The following ANKRD13D variants were observed in gnomAD, a reference collection of about 807,000 sequenced individuals.
ANKRD13D encodes ankyrin repeat domain 13D, also known as ankyrin repeat domain-containing protein 13D.
Under a neutral mutation model 68.8 loss-of-function variants are expected in ANKRD13D, and 24 were observed. That is an observed-to-expected ratio of 0.35 (90% CI 0.25 to 0.49). The LOEUF is 0.49. Ranked by LOEUF, ANKRD13D falls within the 20% of genes least tolerant of loss-of-function variation. The pLI is 0.99. For synonymous variants in ANKRD13D, 331 were observed against 336.1 expected (o/e 0.98, Z 0.16); for missense variants, 735 against 832.1 (o/e 0.88, Z 1.44).
chr11:67,299,071 A>G lies in ANKRD13D; in HGVS notation c.745A>G (p.Ile249Val). 3.4e-6 allele frequency: 5 copies of G among 1,491,770 alleles called. No individual in the cohort carries two copies. The highest frequency in any genetic ancestry group is 1.1e-5 in the South Asian group (1 of 89,626). The allele number at this position is 1,491,770 out of a possible 1,614,324, so 92.4% of individuals were successfully genotyped here. The change falls in exon 7 of 15, where the codon ATC (isoleucine) becomes GTC (valine). Residue 249 changes from isoleucine (I) to valine (V), a missense_variant. Coordinates refer to ENST00000511455, the MANE Select transcript of ANKRD13D (RefSeq NM_207354.3). This position sits in a 1 kb window ranked among gnomAD's most constrained non-coding sequence, Gnocchi z 6.2. ...GGTCTGTTTCAGGAACAAATGTGGT[A>G]TCTGGGGCTGGCGGTCTGAGAAGAT... ...NVAFERNKCG[I>V]WGWRSEKMET...
chr11:67,301,655 G>C lies in ANKRD13D; in HGVS notation c.1512+4G>C. 1.2e-6 allele frequency: 2 copies of C among 1,611,784 alleles called. No individual in the cohort carries two copies. On this transcript the variant is annotated splice_donor_region_variant and intron_variant, in intron 13 of 14. Transcript: ENST00000511455. This position sits in a 1 kb window ranked among gnomAD's most constrained non-coding sequence, Gnocchi z 4.5. ...AGCGGGCACTGAGGCGGAGCAGGTG[G>C]GACTTGCCCAGGGGGTGGGCTCTGG...
chr11:67,291,999 G>T lies in ANKRD13D; in HGVS notation c.550G>T (p.Ala184Ser), dbSNP rs757711478. 1.9e-6 allele frequency: 3 copies of T among 1,582,214 alleles called. No individual in the cohort carries two copies. In the East Asian group the frequency reaches 6.8e-5, roughly 36 times the overall value. The change falls in exon 6 of 15, where the codon GCC becomes TCC. Residue 184 changes from alanine (A) to serine (S), a missense_variant. By Grantham distance (99) the Ala-to-Ser change is moderately conservative. Transcript: ENST00000511455. ...SFIFKGQEAGALVMEVDHDRQ... is the reference protein window; with the variant it reads ...SFIFKGQEAGSLVMEVDHDRQ... ...CCCCTACCGGCCGGCAGAGGCAGGA[G>T]CCCTGGTGATGGAAGTGGACCATGA...
chr11:67,291,540 G>T lies in ANKRD13D; in HGVS notation c.397+19G>T. 1 of 1,613,878 alleles carries T rather than the reference G, an allele frequency of 6.2e-7. No homozygotes were observed. The highest frequency in any genetic ancestry group is 2.2e-5 in the East Asian group (1 of 44,866). On this transcript the variant is annotated intron_variant, in intron 4 of 14. Transcript: ENST00000511455. ...AGCTGGGGTGAGTGGGGACCTCTGG[G>T]CTCCCAGGGATTTGGGGTGGGGCCT...
chr11:67,301,270 G>C lies in ANKRD13D; in HGVS notation c.1232-12G>C, dbSNP rs1273974536. ...TCTCCGCCAGGGCTCAGGCGTGGCT[G>C]TCTTCTCACAGAGATTCCCCTTTTC... On this transcript the variant is annotated splice_polypyrimidine_tract_variant and intron_variant, in intron 11 of 14. Transcript: ENST00000511455. The surrounding 1 kb of genome is among the most constrained non-coding windows in gnomAD (Gnocchi z 4.5). The C allele has an allele frequency of 4.4e-6, 7 of 1,607,368 alleles. No homozygotes were observed. The highest frequency in any genetic ancestry group is 6.0e-6 in the Non-Finnish European group (7 of 1,176,296).
intron 3 of ANKRD13D, 22 bp downstream of exon 3, chr11:67,290,468 G>A: frequency 1.3e-6 from 2 of 1,553,982 alleles, no homozygotes; most frequent in East Asian, 2.4e-5. Context: ...CACAGTTATG[G>A]AGGTGGGGTA....
chr11:67,299,276 G>C lies in ANKRD13D; in HGVS notation c.798+152G>C. ...GGCCTGAGTGCCCAGCCCCTGCGGAGTACACAGGGCTCACCCACATCATGG... is the reference window on the plus strand; with the variant it reads ...GGCCTGAGTGCCCAGCCCCTGCGGACTACACAGGGCTCACCCACATCATGG... On this transcript the variant is annotated intron_variant, in intron 7 of 14. Transcript: ENST00000511455. The surrounding 1 kb of genome is among the most constrained non-coding windows in gnomAD (Gnocchi z 6.2). The C allele has an allele frequency of 2.2e-6, 2 of 928,640 alleles. No individual in the cohort carries two copies. Among genetic ancestry groups the C allele is most frequent in the Non-Finnish European group, 3.3e-6 (2 of 601,698 alleles). The allele number at this position is 928,640 out of a possible 1,614,324, so 57.5% of individuals were successfully genotyped here. A position where few individuals can be genotyped will look rare whatever the true frequency, so the allele number is the denominator to read the frequency against.
Position 67,289,550 on chromosome 11 carries a change from G to A in ANKRD13D, c.90G>A (p.Gln30=). The part of the protein sequence containing the change: ...RELEAALHSH[Q]HDIEQEDPRG... ...TGGAGGCCGCACTGCACAGCCACCA[G>A]GTGAGGCCCCGCTGGGGCACCCGGC... is the stretch of plus-strand genomic sequence containing the variant. Residue 30 remains glutamine, a splice_region_variant and synonymous_variant, in exon 1 of 15, where the codon CAG becomes CAA. Transcript: ENST00000511455. 6.6e-7 allele frequency: 1 copy of A among 1,524,948 alleles called. No individual in the cohort carries two copies. Among genetic ancestry groups the A allele is most frequent in the Non-Finnish European group, 8.7e-7 (1 of 1,143,228 alleles). 94.5% of individuals were successfully genotyped at this position (1,524,948 alleles called of 1,614,324 possible). A position where few individuals can be genotyped will look rare whatever the true frequency, so the allele number is the denominator to read the frequency against.
Position 67,301,971 on chromosome 11 carries a change from G to T in ANKRD13D, c.1604+148G>T. On this transcript the variant is annotated intron_variant, in intron 14 of 14. Coordinates refer to ENST00000511455, the MANE Select transcript of ANKRD13D (RefSeq NM_207354.3). The surrounding 1 kb of genome is among the most constrained non-coding windows in gnomAD (Gnocchi z 4.5). The stretch of plus-strand genomic sequence containing the variant: ...TATCTGCCACCAAAGGTGGTGTGAG[G>T]GGTGGGGAAGCAGGGCCCTGCCTTG... The T allele has an allele frequency of 1.5e-6, 2 of 1,337,538 alleles. No individual in the cohort carries two copies. Among genetic ancestry groups the T allele is most frequent in the Non-Finnish European group, 2.0e-6 (2 of 995,710 alleles). 82.9% of individuals were successfully genotyped at this position (1,337,538 alleles called of 1,614,324 possible).
At position 67,290,455 on chromosome 11, in the gene ANKRD13D, G is replaced by A. The variant is rs1407498065; in HGVS notation, c.351+9G>A. On this transcript the variant is annotated intron_variant, in intron 3 of 14. Transcript: ENST00000511455. ...TCAACAAACTTCGCCAGGTACAGCA[G>A]GGCACAGTTATGGAGGTGGGGTACC... 3.2e-6 allele frequency: 5 copies of A among 1,570,548 alleles called. No homozygotes were observed. The highest frequency in any genetic ancestry group is 2.3e-5 in the South Asian group (2 of 85,560).
At chr11:67,294,722 G>A (rs1697270192) in intron 6 of ANKRD13D, among the ~76,000 whole-genome samples, 1 of 151,866 alleles carries the variant, frequency 6.6e-6, no homozygotes, top group Non-Finnish European at 1.5e-5. Flanking sequence ...TGCATTTTTA[G>A]AGAGACAGGA....
intron 6 of ANKRD13D, among the ~76,000 whole-genome samples, chr11:67,295,235 G>A (rs1228679863): frequency 2.0e-5 from 3 of 151,904 alleles, no homozygotes; most frequent in African/African-American, 7.3e-5. Flanking sequence ...GGCTAACATG[G>A]TGAAACCCCA....
In ANKRD13D at chr11:67,302,190, C is replaced by G; in HGVS notation, c.1676C>G (p.Ala559Gly). The change falls in exon 15 of 15, where the codon GCC (alanine) becomes GGC (glycine). Residue 559 changes from alanine (A) to glycine (G), a missense_variant. Physicochemically the swap from Ala to Gly is moderately conservative, Grantham distance 60. Transcript: ENST00000511455. ...GGATCCCCTCCCAGGACACCCCCAG[C>G]CCCCGGTCCACCCAGCTTTGAAGAG... ...GPGSPPRTPP[A>G]PGPPSFEEQL... is the part of the protein sequence containing the mutation. 1 of 1,593,228 alleles carries G rather than the reference C, an allele frequency of 6.3e-7. No individual in the cohort carries two copies. Among genetic ancestry groups the G allele is most frequent in the South Asian group, 1.1e-5 (1 of 87,840 alleles).
Position 67,301,101 on chromosome 11 carries a change from C to T in ANKRD13D, c.1185C>T (p.Arg395=), listed in dbSNP as rs76948867. 3,251 of 1,614,068 alleles carry T rather than the reference C, an allele frequency of 2.0e-3. 102 individuals carry two copies. In the East Asian group the frequency reaches 0.055, roughly 27 times the overall value. Residue 395 remains arginine, a synonymous_variant, in exon 11 of 15, where the codon CGC becomes CGT. Transcript: ENST00000511455. The surrounding 1 kb of genome is among the most constrained non-coding windows in gnomAD (Gnocchi z 4.5). ...AISNAHFAKL[R]DFITLRLPPG... ...GCAACGCTCACTTTGCCAAGCTGCG[C>T]GACTTCATCACTCTGCGCCTTCCAC...
intron 6 of ANKRD13D, among the ~76,000 whole-genome samples, chr11:67,295,246 T>C (rs867483568): frequency 1.3e-5 from 2 of 151,844 alleles, no homozygotes; most frequent in South Asian, 4.2e-4. Flanking sequence ...TGAAACCCCA[T>C]CTGTACTAAA....
intron 6 of ANKRD13D, among the ~76,000 whole-genome samples, chr11:67,296,349 G>A (rs889824626): frequency 1.3e-5 from 2 of 151,640 alleles, no homozygotes; most frequent in African/African-American, 4.8e-5. Context: ...GTGTGTGTGT[G>A]TGTGTGTGTG....
In ANKRD13D at chr11:67,301,189, G is replaced by T; in HGVS notation, c.1231+42G>T. 6.2e-7 allele frequency: 1 copy of T among 1,605,600 alleles called. No homozygotes were observed. The highest frequency in any genetic ancestry group is 1.1e-5 in the South Asian group (1 of 89,680). On this transcript the variant is annotated intron_variant, in intron 11 of 14. Transcript: ENST00000511455. This position sits in a 1 kb window ranked among gnomAD's most constrained non-coding sequence, Gnocchi z 4.5. Reference sequence around the variant, plus strand: ...AGGCAGCGGGAGGACCTCAGGCATGGCACCCTCCCTCAGCGCAGTCCCTGG... The same window carrying T: ...AGGCAGCGGGAGGACCTCAGGCATGTCACCCTCCCTCAGCGCAGTCCCTGG...
At position 67,290,460 on chromosome 11, in the gene ANKRD13D, C is replaced by T. The variant is rs774449342; in HGVS notation, c.351+14C>T. The T allele has an allele frequency of 6.4e-7, 1 of 1,564,694 alleles. No homozygotes were observed. Among genetic ancestry groups the T allele is most frequent in the South Asian group, 1.2e-5 (1 of 85,092 alleles). On this transcript the variant is annotated intron_variant, in intron 3 of 14. Coordinates refer to ENST00000511455, the MANE Select transcript of ANKRD13D (RefSeq NM_207354.3). ...AAACTTCGCCAGGTACAGCAGGGCA[C>T]AGTTATGGAGGTGGGGTACCATGGC... is the stretch of plus-strand genomic sequence containing the variant.
In ANKRD13D at chr11:67,300,918, G is replaced by T. The variant is rs762164354; in HGVS notation, c.1074-72G>T. ...AAGGTGGGTAAAGGCAGCTGCCCACGAACCAGAGGGCAGTCCTCAATGGAA... is the reference window on the plus strand; with the variant it reads ...AAGGTGGGTAAAGGCAGCTGCCCACTAACCAGAGGGCAGTCCTCAATGGAA... On this transcript the variant is annotated intron_variant, in intron 10 of 14. Transcript: ENST00000511455. The surrounding 1 kb of genome is among the most constrained non-coding windows in gnomAD (Gnocchi z 4.3). The T allele has an allele frequency of 9.6e-6, 15 of 1,565,770 alleles. No individual in the cohort carries two copies. The East Asian group carries it at 3.0e-4, about 31-fold the overall frequency.
rs1723849878 is a variant in ANKRD13D at position 67,289,477 on chromosome 11, C to T, written c.17C>T (p.Pro6Leu). The change falls in exon 1 of 15, where the codon CCC (proline) becomes CTC (leucine). Residue 6 changes from proline to leucine, a missense_variant. Physicochemically the swap from Pro to Leu is moderately conservative, Grantham distance 98 (BLOSUM62 -3). Transcript: ENST00000511455. Reference protein sequence around the residue: MAGPGPTFPLHRLVWA... With the variant: MAGPGLTFPLHRLVWA... ...AGGCCCAGCATGGCCGGCCCGGGCCCCACCTTCCCGCTGCACCGGCTCGTC... is the reference window on the plus strand; with the variant it reads ...AGGCCCAGCATGGCCGGCCCGGGCCTCACCTTCCCGCTGCACCGGCTCGTC... 6.6e-7 allele frequency: 1 copy of T among 1,508,966 alleles called. No homozygotes were observed. Among genetic ancestry groups the T allele is most frequent in the African/African-American group, 1.4e-5 (1 of 69,358 alleles). 93.5% of individuals were successfully genotyped at this position (1,508,966 alleles called of 1,614,324 possible). A position where few individuals can be genotyped will look rare whatever the true frequency, so the allele number is the denominator to read the frequency against.
Sources: gnomAD v4.1 joint callset for allele counts (sites outside exome capture counted in the v4.1 genomes callset) on GRCh38, gnomAD v4.1.1 for gene constraint, Gnocchi (gnomAD v3.1) non-coding constraint, MANE v1.5 for transcripts, NCBI Gene and HGNC (gene_info 2026-07-23, HGNC 2026-07-21) for gene names.